Variants in MGAT4C observed in about 807,000 individuals in gnomAD.
MGAT4C encodes the protein MGAT4 family member C, also known as alpha-1,3-mannosyl-glycoprotein 4-beta-N-acetylglucosaminyltransferase C.
MGAT4C carries 19 observed loss-of-function variants against 40.1 expected under a neutral mutation model. That is an observed-to-expected ratio of 0.47 (90% CI 0.33 to 0.70). The LOEUF (loss-of-function observed/expected upper bound fraction) is 0.70. Ranked by LOEUF, MGAT4C falls within the 30% of genes least tolerant of loss-of-function variation. The probability of loss-of-function intolerance (pLI) is 0.02; values close to 1 mark genes in which losing one functional copy is unlikely to be tolerated. For missense variants in MGAT4C, 491 were observed against 563.2 expected, an observed-to-expected ratio of 0.87 and a Z score of 1.30; for synonymous variants, 181 against 187.1, an observed-to-expected ratio of 0.97 and a Z score of 0.27.
chr12:86,791,439 T>C (rs201988669), intron 1 of MGAT4C, among the ~76,000 whole-genome samples: 1 of 149,842 alleles, frequency 6.7e-6, no homozygotes, highest in Non-Finnish European at 1.5e-5. Context: ...CTGTTTTTTT[T>C]TTTTTTTTTT....
chr12:86,719,588 A>G (rs918525079), intron 2 of MGAT4C, among the ~76,000 whole-genome samples: 1 of 152,106 alleles, frequency 6.6e-6, no homozygotes, highest in African/African-American at 2.4e-5. Context: ...GATTTATCAT[A>G]CCTCTTTGGT....
intron 2 of MGAT4C, among the ~76,000 whole-genome samples, chr12:86,724,394 C>T (rs969430443): frequency 6.6e-6 from 1 of 152,116 alleles, no homozygotes; most frequent in Admixed American, 6.5e-5. Flanking sequence ...TGCTCAATAA[C>T]AAGTGTTTCA....
At chr12:86,446,428 T>C (rs188809651) in intron 2 of MGAT4C, among the ~76,000 whole-genome samples, 26 of 151,892 alleles carry the variant, frequency 1.7e-4, no homozygotes, top group African/African-American at 5.5e-4. Flanking sequence ...ACATTATTTA[T>C]GAAACTTCTT....
chr12:86,643,378 A>G (rs1042900034), intron 2 of MGAT4C, among the ~76,000 whole-genome samples: 2 of 151,854 alleles, frequency 1.3e-5, no homozygotes, highest in African/African-American at 4.8e-5. Context: ...ATGCAAACAC[A>G]AAACATTTTC....
intron 2 of MGAT4C, among the ~76,000 whole-genome samples, chr12:86,632,363 C>A (rs932242862): frequency 6.6e-6 from 1 of 152,062 alleles, no homozygotes; most frequent in East Asian, 1.9e-4. Context: ...CCTCAAGGAT[C>A]GAGAACTAGA....
intron 4 of MGAT4C, among the ~76,000 whole-genome samples, chr12:86,278,612 G>A (rs1409755305): frequency 1.3e-5 from 2 of 151,856 alleles, no homozygotes; most frequent in Non-Finnish European, 2.9e-5. Flanking sequence ...GAGTCCTTAG[G>A]TTTTCCAAGA....
chr12:86,546,297 T>C (rs1440984759), intron 2 of MGAT4C, among the ~76,000 whole-genome samples: 1 of 151,662 alleles, frequency 6.6e-6, no homozygotes, highest in Non-Finnish European at 1.5e-5. Context: ...TCTCTATTTA[T>C]TACTGCATTC....
chr12:86,542,547 G>T (rs928253720), intron 2 of MGAT4C, among the ~76,000 whole-genome samples: 3 of 152,090 alleles, frequency 2.0e-5, no homozygotes, highest in East Asian at 3.9e-4. Flanking sequence ...TGGCATTTTT[G>T]TGTGTTTTTA....
At chr12:86,499,461 G>A (rs1958298027) in intron 2 of MGAT4C, among the ~76,000 whole-genome samples, 3 of 151,638 alleles carry the variant, frequency 2.0e-5, no homozygotes, top group African/African-American at 2.4e-5. Flanking sequence ...TTCAAACTGG[G>A]TCTAAGTGAG....
intron 3 of MGAT4C, among the ~76,000 whole-genome samples, chr12:86,404,335 C>T (rs142317320): frequency 2.0e-5 from 3 of 152,056 alleles, no homozygotes; most frequent in African/African-American, 4.8e-5. Context: ...ATATCCTAGT[C>T]GTAGACCTGG....
intron 3 of MGAT4C, among the ~76,000 whole-genome samples, chr12:86,335,721 C>T (rs1428815044): frequency 6.6e-6 from 1 of 152,104 alleles, no homozygotes; most frequent in Non-Finnish European, 1.5e-5. Context: ...TTGCAAAAAA[C>T]ATATAGTAAC....
chr12:86,366,064 T>C (rs1955588600), intron 3 of MGAT4C, among the ~76,000 whole-genome samples: 1 of 152,220 alleles, frequency 6.6e-6, no homozygotes, highest in Non-Finnish European at 1.5e-5. Flanking sequence ...ATGATTTCTT[T>C]CAGCAGTGTT....
At chr12:86,300,991 C>T (rs982974949) in intron 4 of MGAT4C, among the ~76,000 whole-genome samples, 9 of 152,096 alleles carry the variant, frequency 5.9e-5, no homozygotes, top group Non-Finnish European at 1.0e-4. Flanking sequence ...GCTATAGGGT[C>T]ATAGAAGAGA....
intron 2 of MGAT4C, among the ~76,000 whole-genome samples, chr12:86,556,957 T>C (rs1959641340): frequency 6.6e-6 from 1 of 152,136 alleles, no homozygotes; most frequent in African/African-American, 2.4e-5. Flanking sequence ...AGCTATTATG[T>C]TGATAGATAA....
chr12:86,697,926 A>G (rs898701027), intron 2 of MGAT4C, among the ~76,000 whole-genome samples: 1 of 152,162 alleles, frequency 6.6e-6, no homozygotes, highest in Admixed American at 6.6e-5. Flanking sequence ...TATATCACAA[A>G]TAGATCTGCT....
At chr12:86,581,344 C>T (rs1211224444) in intron 2 of MGAT4C, among the ~76,000 whole-genome samples, 1 of 151,442 alleles carries the variant, frequency 6.6e-6, no homozygotes, top group Non-Finnish European at 1.5e-5. Flanking sequence ...AAGACAGCAG[C>T]TCACTGGCAA....
chr12:86,748,946 CT>C (rs376881850), intron 1 of MGAT4C, among the ~76,000 whole-genome samples: 4,194 of 141,318 alleles, frequency 0.03, 172 homozygotes, highest in African/African-American at 0.097. Context: ...TTCTTTTAAC[CT>C]TTTTTTTTTT....
At chr12:86,716,683 T>C (rs947672474) in intron 2 of MGAT4C, among the ~76,000 whole-genome samples, 3 of 152,156 alleles carry the variant, frequency 2.0e-5, no homozygotes, top group Non-Finnish European at 2.9e-5. Flanking sequence ...TTGAATGCTC[T>C]GTGCAACAAA....
intron 2 of MGAT4C, among the ~76,000 whole-genome samples, chr12:86,456,989 C>T (rs1957520569): frequency 6.6e-6 from 1 of 152,090 alleles, no homozygotes; most frequent in African/African-American, 2.4e-5. Context: ...ACTCCTGGAT[C>T]TTCTTCCTGA....
Sources: allele counts gnomAD v4.1 joint callset (sites outside exome capture counted in the v4.1 genomes callset), GRCh38; gene constraint gnomAD v4.1.1; transcripts MANE v1.5; gene names NCBI Gene and HGNC (gene_info 2026-07-23, HGNC 2026-07-21).